IL17RB: variants seen among roughly 807,000 people sequenced by gnomAD.
The protein encoded by IL17RB is interleukin 17 receptor B.
A neutral mutation model predicts 43.9 loss-of-function variants in IL17RB; 36 were observed. That is an observed-to-expected ratio of 0.82 (90% confidence interval 0.63 to 1.08). The LOEUF (loss-of-function observed/expected upper bound fraction) is 1.08. IL17RB is among the 50% of genes least tolerant of loss of function. The probability of loss-of-function intolerance (pLI) is 0.00; values close to 1 mark genes in which losing one functional copy is unlikely to be tolerated. For missense variants in IL17RB, 613 were observed against 613.6 expected (o/e 1.00, Z 0.01); for synonymous variants, 225 against 225.4 (o/e 1.00, Z 0.02).
At chr3:53,857,526 C>A in intron 7 of IL17RB, 90 bp from the exon 8 acceptor site, 2 of 1,131,068 alleles carry the variant, frequency 1.8e-6, no homozygotes, top group Non-Finnish European at 2.7e-6. Context: ...CTCAAGCCAT[C>A]TGCCTGCCTT....
At chr3:53,846,676 C>T (rs1400057003) in intron 1 of IL17RB, 28 bp downstream of exon 1, 5 of 1,570,388 alleles carry the variant, frequency 3.2e-6, no homozygotes, top group Admixed American at 1.8e-5. Flanking sequence ...CCTCTTCCCT[C>T]ATCTCCCGGC....
At chr3:53,861,449 C>T (rs1457576678) in intron 10 of IL17RB, 1 of 152,194 alleles carries the variant, frequency 6.6e-6, no homozygotes, top group Non-Finnish European at 1.5e-5. Context: ...GCCATCACTA[C>T]AGCTACACCA....
intron 1 of IL17RB, among the ~76,000 whole-genome samples, chr3:53,847,918 G>A (rs1437581978): frequency 6.6e-6 from 1 of 152,230 alleles, no homozygotes; most frequent in Non-Finnish European, 1.5e-5. Context: ...CTTAGAAGGT[G>A]TTTGGAAATG....
Position 53,864,120 on chromosome 3 carries a change from GC to G in IL17RB, c.947-624del, listed in dbSNP as rs200611002. Reference sequence around the variant, plus strand: ...TTCCTGGTGTAAGCCACCACACCTGGCCAACAAAGTATCTTAAACCTAAAGT... The same window carrying G: ...TTCCTGGTGTAAGCCACCACACCTGGCAACAAAGTATCTTAAACCTAAAGT... On this transcript the variant is annotated intron_variant, in intron 10 of 10. Coordinates refer to ENST00000288167, the MANE Select transcript of IL17RB (RefSeq NM_018725.4). Among the ~76,000 whole-genome samples the G allele has an allele frequency of 6.5e-3, 997 of 152,230 alleles. 11 individuals are homozygous for G. Among genetic ancestry groups the G allele is most frequent in the African/African-American group, 0.023 (953 of 41,524 alleles).
rs372245466 is a variant in IL17RB, at chr3:53,848,615, T to C, written c.61-49T>C. ...TCTGCCTAATTTGGCAAAGGAAAGC[T>C]TGTGGTTTGCCGGCTTCAACGTGAC... On this transcript the variant is annotated intron_variant, in intron 1 of 10. Coordinates refer to ENST00000288167, the MANE Select transcript of IL17RB (RefSeq NM_018725.4). 20 of 1,592,256 alleles carry C rather than the reference T, an allele frequency of 1.3e-5. No homozygotes were observed. The African/African-American group carries it at 2.7e-4, about 21-fold the overall frequency.
At chr3:53,862,341 C>G (rs1202822468) in intron 10 of IL17RB, among the ~76,000 whole-genome samples, 1 of 152,116 alleles carries the variant, frequency 6.6e-6, no homozygotes, top group Non-Finnish European at 1.5e-5. Flanking sequence ...GACGAGAACA[C>G]CAACAGAGAG....
intron 10 of IL17RB, among the ~76,000 whole-genome samples, chr3:53,864,073 T>C (rs1448641717): frequency 6.6e-6 from 1 of 152,136 alleles, no homozygotes; most frequent in Admixed American, 6.5e-5. Context: ...TCTACCAGCC[T>C]TGGCCTCCCA....
intron 10 of IL17RB, 113 bp downstream of exon 10, chr3:53,860,341 T>C (rs1038587438): frequency 4.9e-5 from 38 of 780,644 alleles, no homozygotes; most frequent in Non-Finnish European, 7.2e-5. Context: ...CAGAGTTAGA[T>C]AGCATTTATG....
At chr3:53,857,962 T>C (rs1408689321) in intron 8 of IL17RB, 4 of 425,464 alleles carry the variant, frequency 9.4e-6, no homozygotes, top group Non-Finnish European at 1.7e-5. Flanking sequence ...CACTCAGGGA[T>C]AGCAGTACCA....
chr3:53,863,270 C>T (rs1040569832), intron 10 of IL17RB, among the ~76,000 whole-genome samples: 1 of 152,136 alleles, frequency 6.6e-6, no homozygotes, highest in Non-Finnish European at 1.5e-5. Flanking sequence ...CATGCAGGGC[C>T]GGTGCCCCTC....
intron 1 of IL17RB, 149 bp downstream of exon 1, chr3:53,846,797 C>T (rs1698920371): frequency 1.3e-6 from 1 of 795,730 alleles, no homozygotes; most frequent in South Asian, 1.9e-5. Context: ...CAGCCCCGGA[C>T]ATCGGCGTCA....
chr3:53,858,917 G>A, intron 9 of IL17RB, 99 bp downstream of exon 9: 1 of 887,260 alleles, frequency 1.1e-6, no homozygotes. Context: ...TGTGGGCAGT[G>A]CAAGGGGTCG....
At chr3:53,847,391 C>A (rs1698953087) in intron 1 of IL17RB, among the ~76,000 whole-genome samples, 1 of 151,680 alleles carries the variant, frequency 6.6e-6, no homozygotes, top group Non-Finnish European at 1.5e-5. Flanking sequence ...GCTGCAAGGC[C>A]AACAATTTGA....
chr3:53,858,313 C>G, intron 8 of IL17RB: 1 of 1,012,080 alleles, frequency 9.9e-7, no homozygotes. Context: ...TGGCTACTAC[C>G]CTTTTCTGGA....
intron 3 of IL17RB, among the ~76,000 whole-genome samples, chr3:53,851,025 C>T (rs565107952): frequency 1.0e-3 from 153 of 152,258 alleles, no homozygotes; most frequent in Non-Finnish European, 1.8e-3. Flanking sequence ...TTTCCCCACC[C>T]CACTTCAGTT....
chr3:53,855,825 G>A (rs772499164), intron 6 of IL17RB, among the ~76,000 whole-genome samples: 1 of 152,178 alleles, frequency 6.6e-6, no homozygotes, highest in Non-Finnish European at 1.5e-5. Context: ...CTCTCAATTT[G>A]TGTCCTCAAA....
intron 8 of IL17RB, chr3:53,858,476 T>C (rs1699432400): frequency 7.4e-7 from 1 of 1,345,472 alleles, no homozygotes; most frequent in African/African-American, 1.5e-5. Context: ...CGAACTGGTA[T>C]GTTAGTAACG....
intron 1 of IL17RB, among the ~76,000 whole-genome samples, chr3:53,847,687 C>T (rs1377946047): frequency 2.0e-5 from 3 of 151,482 alleles, no homozygotes; most frequent in East Asian, 3.9e-4. Flanking sequence ...CCAGCTACTC[C>T]GGAGGCTGAG....
At chr3:53,863,619 G>C (rs1448513507) in intron 10 of IL17RB, among the ~76,000 whole-genome samples, 2 of 152,280 alleles carry the variant, frequency 1.3e-5, no homozygotes, top group East Asian at 3.9e-4. Flanking sequence ...GTATAGGGCA[G>C]AATTCCAGGT....
Sources: allele counts gnomAD v4.1 joint callset (sites outside exome capture counted in the v4.1 genomes callset), GRCh38; gene constraint gnomAD v4.1.1; transcripts MANE v1.5; gene names NCBI Gene and HGNC (gene_info 2026-07-23, HGNC 2026-07-21).